Variants in ARMC9 observed in about 807,000 individuals in gnomAD.
ARMC9 encodes the protein armadillo repeat containing 9, also known as lisH domain-containing protein ARMC9.
Under a neutral mutation model 107.0 loss-of-function variants are expected in ARMC9, and 94 were observed. The observed-to-expected ratio is 0.88, with a 90% CI of 0.74 to 1.04. The LOEUF (loss-of-function observed/expected upper bound fraction) is 1.04, where lower values mean the gene tolerates loss of function less well. Ranked by LOEUF, ARMC9 falls within the 50% of genes least tolerant of loss-of-function variation. ARMC9 has a pLI of 0.00. For synonymous variants in ARMC9, 380 were observed against 396.9 expected (o/e 0.96, Z 0.51); for missense variants, 942 against 1,030.1 (o/e 0.91, Z 1.17).
chr2:231,361,674 A>C (rs1214012737), intron 23 of ARMC9, among the ~76,000 whole-genome samples: 1 of 151,842 alleles, frequency 6.6e-6, no homozygotes, highest in Non-Finnish European at 1.5e-5. Flanking sequence ...TGGGTCTCAG[A>C]CCCTGCCTGT....
chr2:231,302,409 T>A (rs952207475), intron 19 of ARMC9, among the ~76,000 whole-genome samples: 2 of 150,000 alleles, frequency 1.3e-5, no homozygotes, highest in Non-Finnish European at 3.0e-5. Flanking sequence ...AAACAAAATT[T>A]TATGAAAAAG....
At chr2:231,320,408 A>G (rs2042931906) in intron 19 of ARMC9, among the ~76,000 whole-genome samples, 1 of 152,076 alleles carries the variant, frequency 6.6e-6, no homozygotes, top group Admixed American at 6.5e-5. Context: ...CACAATCTCA[A>G]GTTGCTAACG....
intron 5 of ARMC9, among the ~76,000 whole-genome samples, chr2:231,218,844 C>G (rs765744706): frequency 2.6e-5 from 4 of 151,898 alleles, no homozygotes; most frequent in African/African-American, 7.3e-5. Context: ...CTCCACCTCC[C>G]GGGTTCAAGC....
chr2:231,367,094 C>T (rs2045849574), intron 23 of ARMC9, among the ~76,000 whole-genome samples: 1 of 151,946 alleles, frequency 6.6e-6, no homozygotes, highest in Non-Finnish European at 1.5e-5. Context: ...TCGTGATCCC[C>T]CCGCCTCGGC....
chr2:231,210,074 TC>T (rs1343193749), intron 3 of ARMC9, among the ~76,000 whole-genome samples: 1 of 152,198 alleles, frequency 6.6e-6, no homozygotes, highest in Non-Finnish European at 1.5e-5. Flanking sequence ...TGGCTGGAGT[TC>T]AAGTGGTATT....
chr2:231,336,858 A>T (rs537328397), intron 20 of ARMC9, among the ~76,000 whole-genome samples: 2 of 152,304 alleles, frequency 1.3e-5, no homozygotes, highest in African/African-American at 4.8e-5. Flanking sequence ...CAGGGTGTTC[A>T]TGGAGCTGCC....
intron 21 of ARMC9, among the ~76,000 whole-genome samples, chr2:231,350,343 A>C: frequency 6.6e-6 from 1 of 150,518 alleles, no homozygotes; most frequent in Admixed American, 6.6e-5. Flanking sequence ...TTGAAAATTA[A>C]AACAAAAATA....
At chr2:231,349,450 C>G (rs1262209483) in intron 21 of ARMC9, among the ~76,000 whole-genome samples, 1 of 151,368 alleles carries the variant, frequency 6.6e-6, no homozygotes, top group African/African-American at 2.4e-5. Flanking sequence ...GGGGTGGTGG[C>G]TAGGGGAGTT....
chr2:231,254,320 TA>T (rs1447568816), intron 9 of ARMC9, among the ~76,000 whole-genome samples: 1 of 151,980 alleles, frequency 6.6e-6, no homozygotes, highest in Non-Finnish European at 1.5e-5. Context: ...CTATGAAAAA[TA>T]ATGGCCAATA....
intron 19 of ARMC9, among the ~76,000 whole-genome samples, chr2:231,326,892 G>T (rs529582318): frequency 8.8e-4 from 134 of 152,302 alleles, no homozygotes; most frequent in Non-Finnish European, 1.4e-3. Flanking sequence ...ATAGTCATTA[G>T]ATTGTTGGGT....
At chr2:231,312,505 C>G (rs73994565) in intron 19 of ARMC9, among the ~76,000 whole-genome samples, 1 of 151,988 alleles carries the variant, frequency 6.6e-6, no homozygotes. Flanking sequence ...GAGTTTGTGG[C>G]GGTTAAACAG....
chr2:231,311,038 G>A (rs369396231), intron 19 of ARMC9, among the ~76,000 whole-genome samples: 5 of 152,196 alleles, frequency 3.3e-5, no homozygotes, highest in African/African-American at 1.2e-4. Flanking sequence ...GAGATGGGAA[G>A]ATCGCTTGAG....
rs1310515601 is a variant in ARMC9, at chr2:231,355,847, G to A, written c.2044G>A (p.Gly682Ser). 3.3e-6 allele frequency: 5 copies of A among 1,535,978 alleles called. No individual in the cohort carries two copies. Among genetic ancestry groups the A allele is most frequent in the African/African-American group, 2.7e-5 (2 of 73,034 alleles). ...CCAGACAGCCCAGCACGCCAGAAACGGCCACCCGCAGGCCCTGCCAGCCGC... is the reference window on the plus strand; with the variant it reads ...CCAGACAGCCCAGCACGCCAGAAACAGCCACCCGCAGGCCCTGCCAGCCGC... Reference protein sequence around the residue: ...PPQTAQHARNGHPQALPAAHE... With the variant: ...PPQTAQHARNSHPQALPAAHE... The change falls in exon 22 of 25, where the codon GGC (glycine) becomes AGC (serine). Residue 682 changes from glycine to serine, a missense_variant. Transcript: ENST00000611582.
chr2:231,281,397 G>A (rs1027301534), intron 16 of ARMC9, among the ~76,000 whole-genome samples: 1 of 152,172 alleles, frequency 6.6e-6, no homozygotes, highest in Non-Finnish European at 1.5e-5. Flanking sequence ...TGGACACTTT[G>A]TGGTGGCAGG....
intron 1 of ARMC9, among the ~76,000 whole-genome samples, chr2:231,200,587 T>C (rs1190324735): frequency 6.6e-6 from 1 of 152,176 alleles, no homozygotes; most frequent in Non-Finnish European, 1.5e-5. Context: ...GGCAGGAGAA[T>C]CACTTGAACC....
chr2:231,250,318 A>C, intron 9 of ARMC9, among the ~76,000 whole-genome samples: 1 of 152,118 alleles, frequency 6.6e-6, no homozygotes, highest in East Asian at 1.9e-4. Context: ...TGTCTGTTGC[A>C]CTGTAGGTTG....
intron 5 of ARMC9, among the ~76,000 whole-genome samples, chr2:231,220,361 C>A (rs1226794376): frequency 6.6e-6 from 1 of 152,064 alleles, no homozygotes; most frequent in Non-Finnish European, 1.5e-5. Flanking sequence ...CTTTGGGAGG[C>A]CAAGGTGGGC....
Position 231,375,417 on chromosome 2 carries a change from C to T in ARMC9, c.*3882C>T, listed in dbSNP as rs1318351101. Among the ~76,000 whole-genome samples the T allele has an allele frequency of 2.6e-5, 4 of 152,310 alleles. No homozygotes were observed. The East Asian group carries it at 5.8e-4, about 22-fold the overall frequency. On this transcript the variant is annotated 3_prime_UTR_variant, in exon 25 of 25. Coordinates refer to ENST00000611582, the MANE Select transcript of ARMC9 (RefSeq NM_001352754.2). This position sits in a 1 kb window ranked among gnomAD's most constrained non-coding sequence, Gnocchi z 4.3. ...TGAAAGGATGTGGATACAGGGACCC[C>T]GAATGAACCAGAGGCAATACTGCTG...
chr2:231,363,595 A>C (rs978790088), intron 23 of ARMC9, among the ~76,000 whole-genome samples: 3 of 152,188 alleles, frequency 2.0e-5, no homozygotes, highest in African/African-American at 7.2e-5. Flanking sequence ...AGAGAATAAA[A>C]GTCTAGACCT....
Sources: gnomAD v4.1 joint callset for allele counts (sites outside exome capture counted in the v4.1 genomes callset) on GRCh38, gnomAD v4.1.1 for gene constraint, Gnocchi (gnomAD v3.1) non-coding constraint, MANE v1.5 for transcripts, NCBI Gene and HGNC (gene_info 2026-07-23, HGNC 2026-07-21) for gene names.